ASB15: variants seen among roughly 807,000 people sequenced by gnomAD.
ASB15 encodes the protein ankyrin repeat and SOCS box protein 15.
A neutral mutation model predicts 58.0 loss-of-function variants in ASB15; 54 were observed. The observed-to-expected ratio is 0.93, with a 90% CI of 0.75 to 1.17. ASB15 has a LOEUF of 1.17. Ranked by LOEUF, ASB15 falls within the 50% of genes most tolerant of loss-of-function variation. The pLI is 0.00. For synonymous variants in ASB15, 249 were observed against 262.4 expected, an observed-to-expected ratio of 0.95 and a Z score of 0.50; for missense variants, 680 against 707.4, an observed-to-expected ratio of 0.96 and a Z score of 0.44.
At chr7:123,597,700 A>G (rs58579472), upstream of ASB15, among the ~76,000 whole-genome samples, 36,188 of 151,938 alleles carry the variant, frequency 0.24, 4,883 homozygotes, top group Non-Finnish European at 0.28. Flanking sequence ...ACGTGGTGGC[A>G]CACACCTGTA....
At chr7:123,617,889 T>C in intron 7 of ASB15, 152 bp downstream of exon 7, 3 of 767,078 alleles carry the variant, frequency 3.9e-6, no homozygotes, top group Non-Finnish European at 6.1e-6. Flanking sequence ...CCTGTGATTT[T>C]GTTTTCCTAT....
chr7:123,574,858 T>C (rs1562907268), intron 1 of ASB15, among the ~76,000 whole-genome samples: 1 of 152,234 alleles, frequency 6.6e-6, no homozygotes, highest in South Asian at 2.1e-4. Context: ...ACTCTTTTTA[T>C]TTTTTCTATT....
chr7:123,611,995 A>G (rs375805798), intron 3 of ASB15, among the ~76,000 whole-genome samples: 2 of 152,232 alleles, frequency 1.3e-5, no homozygotes, highest in African/African-American at 4.8e-5. Context: ...AAAATAAAAT[A>G]CTTTCCACAG....
upstream of ASB15, among the ~76,000 whole-genome samples, chr7:123,597,105 G>A (rs192244666): frequency 1.6e-4 from 24 of 152,242 alleles, no homozygotes; most frequent in South Asian, 4.1e-4. Flanking sequence ...AATATTAAAC[G>A]AAAAATCCTA....
chr7:123,614,128 C>T (rs6947676), intron 3 of ASB15: 13,632 of 172,372 alleles, frequency 0.079, 633 homozygotes, highest in African/African-American at 0.13. Flanking sequence ...AATTTTTAAG[C>T]TTTTAATATG....
rs564337168 is a variant in ASB15 at position 123,634,210 on chromosome 7, C to G, written c.1595-2599C>G. Among the ~76,000 whole-genome samples the G allele has an allele frequency of 1.1e-4, 17 of 152,220 alleles. No homozygotes were observed. In the South Asian group the frequency reaches 1.5e-3, roughly 13 times the overall value. ...TGCTCAGACTCCCCCAGCCACCCCC[C>G]CGACAGGCCCCACCCAGTATGTGCT... On this transcript the variant is annotated intron_variant, in intron 11 of 11. Transcript: ENST00000451215.
intron 1 of ASB15, among the ~76,000 whole-genome samples, chr7:123,573,000 G>A (rs1049617309): frequency 1.3e-5 from 2 of 151,550 alleles, no homozygotes; most frequent in Non-Finnish European, 1.5e-5. Flanking sequence ...TTTAACAAAC[G>A]ATCAGCTATG....
At chr7:123,574,153 C>T (rs1015141442) in intron 1 of ASB15, among the ~76,000 whole-genome samples, 10 of 151,778 alleles carry the variant, frequency 6.6e-5, no homozygotes, top group African/African-American at 2.2e-4. Context: ...TCATTTTTGA[C>T]ATCTCTTCTT....
intron 1 of ASB15, among the ~76,000 whole-genome samples, chr7:123,581,627 GAATTTGCTACT>G (rs1799237474): frequency 6.6e-6 from 1 of 151,850 alleles, no homozygotes; most frequent in African/African-American, 2.4e-5. Flanking sequence ...ATTGTGAGGA[GAATTTGCTACT>G]TAAGAAATGA....
intron 9 of ASB15, among the ~76,000 whole-genome samples, chr7:123,628,500 A>G (rs1274585234): frequency 6.6e-6 from 1 of 152,232 alleles, no homozygotes; most frequent in East Asian, 1.9e-4. Context: ...CTGTGGCATT[A>G]GAAAGGCTTA....
intron 7 of ASB15, among the ~76,000 whole-genome samples, chr7:123,624,208 T>C (rs1480503859): frequency 6.6e-6 from 1 of 152,182 alleles, no homozygotes; most frequent in Non-Finnish European, 1.5e-5. Context: ...GAATTTTACA[T>C]ACATTATTTA....
intron 1 of ASB15, among the ~76,000 whole-genome samples, chr7:123,573,576 C>A (rs960254290): frequency 6.6e-6 from 1 of 152,080 alleles, no homozygotes; most frequent in African/African-American, 2.4e-5. Context: ...CCCCTGCCAT[C>A]CCAAACACTC....
chr7:123,611,400 T>C (rs1800449095), intron 3 of ASB15, among the ~76,000 whole-genome samples: 1 of 152,108 alleles, frequency 6.6e-6, no homozygotes. Context: ...GTTCACGCCA[T>C]TCTCCTGCCT....
At chr7:123,582,874 A>G (rs1158675645) in intron 1 of ASB15, among the ~76,000 whole-genome samples, 2 of 152,052 alleles carry the variant, frequency 1.3e-5, no homozygotes, top group Non-Finnish European at 2.9e-5. Flanking sequence ...TGAATGCAGT[A>G]TTATTCAAAG....
At chr7:123,586,333 T>C (rs777625238) in intron 1 of ASB15, among the ~76,000 whole-genome samples, 46 of 152,022 alleles carry the variant, frequency 3.0e-4, no homozygotes, top group Non-Finnish European at 6.5e-4. Flanking sequence ...GGATTAATGA[T>C]GTTGAGGACC....
intron 1 of ASB15, among the ~76,000 whole-genome samples, chr7:123,581,698 G>A (rs1562910365): frequency 6.6e-6 from 1 of 151,886 alleles, no homozygotes; most frequent in Non-Finnish European, 1.5e-5. Flanking sequence ...CTACTAGATA[G>A]TAGGATTGTA....
intron 1 of ASB15, among the ~76,000 whole-genome samples, chr7:123,591,942 G>A (rs1489676455): frequency 6.6e-6 from 1 of 151,924 alleles, no homozygotes; most frequent in Non-Finnish European, 1.5e-5. Flanking sequence ...ACTTTTTTTT[G>A]TTGGTAGGCT....
chr7:123,613,430 A>G (rs1375842479), intron 3 of ASB15, among the ~76,000 whole-genome samples: 1 of 152,214 alleles, frequency 6.6e-6, no homozygotes, highest in Non-Finnish European at 1.5e-5. Context: ...TTATTTCTAT[A>G]TTTACTAAAT....
At chr7:123,617,196 C>T (rs1032878312) in intron 6 of ASB15, among the ~76,000 whole-genome samples, 9 of 152,090 alleles carry the variant, frequency 5.9e-5, no homozygotes, top group Admixed American at 3.9e-4. Context: ...TTTGACACAG[C>T]GATACCTACA....
Sources: gnomAD v4.1 joint callset for allele counts (sites outside exome capture counted in the v4.1 genomes callset) on GRCh38, gnomAD v4.1.1 for gene constraint, MANE v1.5 for transcripts, NCBI Gene and HGNC (gene_info 2026-07-23, HGNC 2026-07-21) for gene names.